The following CSRP1 variants were observed in gnomAD, a reference collection of about 807,000 sequenced individuals.
CSRP1 encodes the protein cysteine and glycine-rich protein 1.
In CSRP1, 16 loss-of-function variants were observed where a neutral mutation model predicts 25.4. That is an observed-to-expected ratio of 0.63 (90% CI 0.43 to 0.96). CSRP1 has a LOEUF of 0.96. CSRP1 is among the 40% of genes least tolerant of loss of function. The probability of loss-of-function intolerance (pLI) is 0.00; values close to 1 mark genes in which losing one functional copy is unlikely to be tolerated. For synonymous variants in CSRP1, 97 were observed against 95.3 expected (o/e 1.02, Z -0.10); for missense variants, 212 against 243.6 (o/e 0.87, Z 0.86).
At chr1:201,500,811 G>A (rs564580524) in intron 1 of CSRP1, among the ~76,000 whole-genome samples, 11 of 152,316 alleles carry the variant, frequency 7.2e-5, no homozygotes, top group South Asian at 2.1e-4. Context: ...TAGGGAGGCC[G>A]AATTGCCTTA....
Position 201,484,277 on chromosome 1 carries a change from CA to C in CSRP1, c.*435del, listed in dbSNP as rs953712909. 3 of 509,428 alleles carry C rather than the reference CA, an allele frequency of 5.9e-6. No individual in the cohort carries two copies. Among genetic ancestry groups the C allele is most frequent in the Non-Finnish European group, 1.1e-5 (3 of 284,416 alleles). The allele number at this position is 509,428 out of a possible 1,614,324, so 31.6% of individuals were successfully genotyped here. A position where few individuals can be genotyped will look rare whatever the true frequency, so the allele number is the denominator to read the frequency against. On this transcript the variant is annotated 3_prime_UTR_variant, in exon 6 of 6. Coordinates refer to ENST00000340006, the MANE Select transcript of CSRP1 (RefSeq NM_004078.3). ...CCCACAGAGGAGAATCTCTGAGATC[CA>C]AAAAACCCAGCCTTCCCCCCTCCTC... is the stretch of plus-strand genomic sequence containing the variant.
intron 2 of CSRP1, 84 bp from the exon 3 acceptor site, chr1:201,490,428 C>G: frequency 7.3e-7 from 1 of 1,379,140 alleles, no homozygotes; most frequent in South Asian, 1.3e-5. Context: ...ACAGCTGAAG[C>G]TCTCTGGCCT....
rs569653568 is a variant in CSRP1 at position 201,504,986 on chromosome 1, G to C, written c.-2+2084C>G. Among the ~76,000 whole-genome samples, 4 of 152,296 alleles carry C rather than the reference G, an allele frequency of 2.6e-5. No individual in the cohort carries two copies. The East Asian group carries it at 7.7e-4, about 29-fold the overall frequency. On this transcript the variant is annotated intron_variant, in intron 1 of 5. Coordinates refer to ENST00000340006, the MANE Select transcript of CSRP1 (RefSeq NM_004078.3). ...ATATTGGCAGACACCTGTAATCCCA[G>C]CTACTTGGAAGGCTGAGGCAGGAGA...
chr1:201,490,287 T>A lies in CSRP1; in HGVS notation c.170A>T (p.Tyr57Phe). ...CTTCTTGCCGTAGCAGGACTTGCAG[T>A]AAATCTCCTCACCATGCACGGCCAC... ...TTVAVHGEEI[Y>F]CKSCYGKKYG... The change falls in exon 3 of 6, where the codon TAC becomes TTC. Residue 57 changes from tyrosine (Y) to phenylalanine (F), a missense_variant. Tyr to Phe is a conservative substitution (Grantham distance 22, BLOSUM62 3). Transcript: ENST00000340006. 1 of 1,614,162 alleles carries A rather than the reference T, an allele frequency of 6.2e-7. No homozygotes were observed. Among genetic ancestry groups the A allele is most frequent in the Non-Finnish European group, 8.5e-7 (1 of 1,180,032 alleles).
At position 201,484,738 on chromosome 1, in the gene CSRP1, G is replaced by T; in HGVS notation, c.557C>A (p.Ala186Asp). 1 of 1,611,956 alleles carries T rather than the reference G, an allele frequency of 6.2e-7. No homozygotes were observed. Among genetic ancestry groups the T allele is most frequent in the Non-Finnish European group, 8.5e-7 (1 of 1,179,600 alleles). ...GPKGFGFGQG[A>D]GALVHSE ...TCACTCAGAGTGGACCAAGGCCCCAGCTCCTTGCCCAAAACCAAAGCCCTT... is the reference window on the plus strand; with the variant it reads ...TCACTCAGAGTGGACCAAGGCCCCATCTCCTTGCCCAAAACCAAAGCCCTT... Residue 186 changes from alanine to aspartate, a missense_variant, in exon 6 of 6, where the codon GCT becomes GAT. Physicochemically the swap from Ala to Asp is moderately radical, Grantham distance 126 (BLOSUM62 -2). Transcript: ENST00000340006.
intron 1 of CSRP1, among the ~76,000 whole-genome samples, chr1:201,502,795 C>T (rs572690290): frequency 6.6e-6 from 1 of 152,206 alleles, no homozygotes; most frequent in Non-Finnish European, 1.5e-5. Context: ...TCTCCCTTTC[C>T]CCACTTGCCC....
chr1:201,503,017 A>T (rs1571789807), intron 1 of CSRP1, among the ~76,000 whole-genome samples: 1 of 151,844 alleles, frequency 6.6e-6, no homozygotes, highest in African/African-American at 2.4e-5. Flanking sequence ...GTGATGGTGC[A>T]CACCTGTAAT....
chr1:201,493,089 T>C (rs1189549352), intron 2 of CSRP1, among the ~76,000 whole-genome samples: 1 of 152,074 alleles, frequency 6.6e-6, no homozygotes, highest in Admixed American at 6.5e-5. Flanking sequence ...GCACATAACC[T>C]CAGGGCAGGT....
intron 3 of CSRP1, 139 bp downstream of exon 3, chr1:201,490,037 C>G: frequency 1.2e-6 from 1 of 842,034 alleles, no homozygotes; most frequent in East Asian, 2.7e-5. Flanking sequence ...ATAGACACTG[C>G]TCTGTGACTG....
chr1:201,484,868 C>G, intron 5 of CSRP1, 79 bp from the exon 6 acceptor site: 1 of 1,306,196 alleles, frequency 7.7e-7, no homozygotes. Flanking sequence ...CTGAAGATCC[C>G]CCACTCCTAG....
chr1:201,490,335 T>C lies in CSRP1; in HGVS notation c.122A>G (p.Lys41Arg). The C allele has an allele frequency of 1.2e-6, 2 of 1,614,060 alleles. No homozygotes were observed. Among genetic ancestry groups the C allele is most frequent in the Non-Finnish European group, 8.5e-7 (1 of 1,179,984 alleles). Residue 41 changes from lysine to arginine, a missense_variant, in exon 3 of 6, where the codon AAG becomes AGG. Physicochemically the swap from Lys to Arg is conservative, Grantham distance 26. Transcript: ENST00000340006. ...HKSCFLCMVC[K>R]KNLDSTTVAV... ...CACAGTGGTACTGTCCAGATTCTTC[T>C]TGCAGACCACTGTGGAGGGGAAGGG...
chr1:201,486,658 C>G, intron 4 of CSRP1: 1 of 1,044,370 alleles, frequency 9.6e-7, no homozygotes, highest in South Asian at 3.2e-5. Flanking sequence ...CAACACCTCT[C>G]CTCATATTTC....
In CSRP1 at chr1:201,484,501, T is replaced by G; in HGVS notation, c.*212A>C. On this transcript the variant is annotated 3_prime_UTR_variant, in exon 6 of 6. Transcript: ENST00000340006. ...AAACACTGAGGTCTCCTACTGGTGA[T>G]GGTGTCAGATCCCAGGCCTGGGGAG... 1 of 585,222 alleles carries G rather than the reference T, an allele frequency of 1.7e-6. No homozygotes were observed. Among genetic ancestry groups the G allele is most frequent in the Non-Finnish European group, 3.1e-6 (1 of 326,472 alleles). 36.3% of individuals were successfully genotyped at this position (585,222 alleles called of 1,614,324 possible).
intron 4 of CSRP1, chr1:201,487,379 A>C (rs1664183085): frequency 6.5e-6 from 1 of 152,982 alleles, no homozygotes; most frequent in Non-Finnish European, 1.5e-5. Context: ...ACTCCAGCCT[A>C]GGTGACAAGT....
At chr1:201,488,264 T>C (rs1183178263) in intron 4 of CSRP1, 1 of 152,066 alleles carries the variant, frequency 6.6e-6, no homozygotes, top group East Asian at 1.9e-4. Flanking sequence ...TGTGCATTGG[T>C]GATTGGGGGC....
chr1:201,506,642 A>C (rs1664834925), intron 1 of CSRP1: 2 of 152,158 alleles, frequency 1.3e-5, no homozygotes, highest in Non-Finnish European at 2.9e-5. Flanking sequence ...AGGGACACAG[A>C]TGTCCAAGGT....
At chr1:201,486,757 G>A (rs1664157655) in intron 4 of CSRP1, 1 of 1,070,076 alleles carries the variant, frequency 9.3e-7, no homozygotes, top group African/African-American at 1.7e-5. Flanking sequence ...TCTTGAGCGA[G>A]GCAATAGAAA....
chr1:201,499,380 T>C (rs1664600079), intron 1 of CSRP1, among the ~76,000 whole-genome samples: 1 of 152,210 alleles, frequency 6.6e-6, no homozygotes, highest in East Asian at 1.9e-4. Flanking sequence ...GGAGATTCCA[T>C]TCCCTTGCCA....
At chr1:201,493,057 G>T (rs1036724708) in intron 2 of CSRP1, among the ~76,000 whole-genome samples, 10 of 152,248 alleles carry the variant, frequency 6.6e-5, no homozygotes, top group Non-Finnish European at 1.5e-4. Context: ...CCAGCAGGGA[G>T]CTGGGTACAG....
Sources: gnomAD v4.1 joint callset for allele counts (sites outside exome capture counted in the v4.1 genomes callset) on GRCh38, gnomAD v4.1.1 for gene constraint, MANE v1.5 for transcripts, NCBI Gene and HGNC (gene_info 2026-07-23, HGNC 2026-07-21) for gene names.